RXRA: variants seen among roughly 807,000 people sequenced by gnomAD.
The protein encoded by RXRA is retinoic acid receptor RXR-alpha.
A neutral mutation model predicts 44.5 loss-of-function variants in RXRA; 5 were observed. That is an observed-to-expected ratio of 0.11 (90% CI 0.06 to 0.24). The LOEUF (loss-of-function observed/expected upper bound fraction) is 0.24, where lower values mean the gene tolerates loss of function less well. RXRA is among the 10% of genes least tolerant of loss of function. The pLI is 1.00. For synonymous variants in RXRA, 291 were observed against 271.4 expected, an observed-to-expected ratio of 1.07 and a Z score of -0.71; for missense variants, 412 against 646.5, an observed-to-expected ratio of 0.64 and a Z score of 3.93.
intron 5 of RXRA, 81 bp from the exon 6 acceptor site, chr9:134,421,595 G>T: frequency 1.4e-6 from 2 of 1,447,194 alleles, no homozygotes; most frequent in South Asian, 2.7e-5. Context: ...CCCAGCGTGT[G>T]GCAGGGCCTG....
At chr9:134,401,601 G>T in intron 1 of RXRA, 31 bp from the exon 2 acceptor site, 2 of 1,611,798 alleles carry the variant, frequency 1.2e-6, no homozygotes, top group South Asian at 2.2e-5. Context: ...CACCTGCACT[G>T]ACCACTCTCC....
rs1026026986 is a variant in RXRA at position 134,434,221 on chromosome 9, C to G, written c.1241+14C>G. On this transcript the variant is annotated intron_variant, in intron 9 of 9. Transcript: ENST00000481739. ...GCAGCCGGGAAGGTGGGTCCCGCCC[C>G]GTCCCACACACACCCCAGACCCAGG... 5 of 1,583,880 alleles carry G rather than the reference C, an allele frequency of 3.2e-6. No homozygotes were observed. The highest frequency in any genetic ancestry group is 3.5e-6 in the Non-Finnish European group (4 of 1,153,174).
At chr9:134,329,232 A>G (rs1834963973) in intron 1 of RXRA, among the ~76,000 whole-genome samples, 1 of 152,198 alleles carries the variant, frequency 6.6e-6, no homozygotes, top group African/African-American at 2.4e-5. Context: ...TTCTGGTAAC[A>G]TCAGAGCCCT....
At position 134,436,690 on chromosome 9, in the gene RXRA, C is replaced by A; in HGVS notation, c.*76C>A. The A allele has an allele frequency of 6.4e-7, 1 of 1,558,552 alleles. No homozygotes were observed. ...CGCCAGCTGTTCTTCTCAGCCTGAG[C>A]CCTGTCCCTGCCCTTCTCTGCCTGG... On this transcript the variant is annotated 3_prime_UTR_variant, in exon 10 of 10. Transcript: ENST00000481739.
At chr9:134,355,982 C>T (rs537755510) in intron 1 of RXRA, among the ~76,000 whole-genome samples, 16 of 152,122 alleles carry the variant, frequency 1.1e-4, no homozygotes, top group South Asian at 2.1e-4. Context: ...TCCCTGCCCT[C>T]GGGATGGCCG....
At chr9:134,360,580 G>A (rs1285747097) in intron 1 of RXRA, among the ~76,000 whole-genome samples, 2 of 152,262 alleles carry the variant, frequency 1.3e-5, no homozygotes, top group South Asian at 2.1e-4. Context: ...GGTCGCTCGC[G>A]GTTACCTGCC....
intron 1 of RXRA, among the ~76,000 whole-genome samples, chr9:134,328,697 G>C (rs7855881): frequency 1.3e-5 from 2 of 152,284 alleles, no homozygotes; most frequent in South Asian, 2.1e-4. Flanking sequence ...ATCCCTCCTC[G>C]GGGTGAGTGG....
intron 1 of RXRA, among the ~76,000 whole-genome samples, chr9:134,384,314 C>T (rs1488401154): frequency 1.3e-5 from 2 of 152,264 alleles, no homozygotes; most frequent in Non-Finnish European, 2.9e-5. Flanking sequence ...CCCTCATCAT[C>T]TTTGAACCCC....
intron 6 of RXRA, chr9:134,423,927 T>C (rs1391931204): frequency 1.0e-6 from 1 of 984,772 alleles, no homozygotes; most frequent in Non-Finnish European, 1.2e-6. Context: ...CGCACGCAGC[T>C]CTTTTCCTGG....
chr9:134,374,443 G>T (rs573887945), intron 1 of RXRA, among the ~76,000 whole-genome samples: 1 of 152,322 alleles, frequency 6.6e-6, no homozygotes, highest in Admixed American at 6.5e-5. Flanking sequence ...CCACCCTCCT[G>T]GTGTGGGCTG....
In RXRA at chr9:134,433,835, A is replaced by G. The variant is rs1474429188; in HGVS notation, c.1136-267A>G. Among the ~76,000 whole-genome samples, 2 of 152,202 alleles carry G rather than the reference A, an allele frequency of 1.3e-5. No individual in the cohort carries two copies. Among genetic ancestry groups the G allele is most frequent in the African/African-American group, 4.8e-5 (2 of 41,454 alleles). On this transcript the variant is annotated intron_variant, in intron 8 of 9. Transcript: ENST00000481739. The surrounding 1 kb of genome is among the most constrained non-coding windows in gnomAD (Gnocchi z 4.2). ...GGGGAAACCGAGTCTCTGGAGGTCA[A>G]ATAGTTGACCCAAGGTCACGTGGCT...
chr9:134,408,392 C>A, intron 3 of RXRA, 93 bp downstream of exon 3: 1 of 1,360,960 alleles, frequency 7.3e-7, no homozygotes, highest in Non-Finnish European at 9.9e-7. Context: ...TCCTGTGGGC[C>A]AAGCAGGACC....
chr9:134,437,972 C>T lies in RXRA; in HGVS notation c.*1358C>T, dbSNP rs995541329. 4 of 151,766 alleles carry T rather than the reference C, an allele frequency of 2.6e-5. No homozygotes were observed. The highest frequency in any genetic ancestry group is 9.8e-5 in the African/African-American group (4 of 40,800). The allele number at this position is 151,766 out of a possible 1,614,324, so 9.4% of individuals were successfully genotyped here. ...CCTCCCTGGCTCAGCCCAGTGCGGC[C>T]TGGCGCTCCTCCCGCAGGCTCTGCC... On this transcript the variant is annotated 3_prime_UTR_variant, in exon 10 of 10. Coordinates refer to ENST00000481739, the MANE Select transcript of RXRA (RefSeq NM_002957.6).
At chr9:134,330,027 C>T (rs1834978670) in intron 1 of RXRA, among the ~76,000 whole-genome samples, 1 of 152,188 alleles carries the variant, frequency 6.6e-6, no homozygotes, top group South Asian at 2.1e-4. Flanking sequence ...ACAGGTCCAC[C>T]CAGTGCCAGT....
chr9:134,369,761 C>T (rs1830468084), intron 1 of RXRA, among the ~76,000 whole-genome samples: 1 of 152,074 alleles, frequency 6.6e-6, no homozygotes, highest in Admixed American at 6.5e-5. Flanking sequence ...CTTGGTGCAC[C>T]CTCCCACAGC....
At chr9:134,395,141 T>C (rs1483856292) in intron 1 of RXRA, among the ~76,000 whole-genome samples, 1 of 152,186 alleles carries the variant, frequency 6.6e-6, no homozygotes, top group East Asian at 1.9e-4. Context: ...CCCCTCTCAG[T>C]CCTGGCAGGA....
intron 1 of RXRA, among the ~76,000 whole-genome samples, chr9:134,339,573 T>C (rs1342959507): frequency 3.8e-5 from 5 of 131,140 alleles, no homozygotes; most frequent in African/African-American, 1.5e-4. Flanking sequence ...CCATGGCCTT[T>C]TGTGAGCCTG....
chr9:134,335,327 A>G (rs1487934020), intron 1 of RXRA, among the ~76,000 whole-genome samples: 2 of 152,156 alleles, frequency 1.3e-5, no homozygotes, highest in East Asian at 3.9e-4. Flanking sequence ...GAGGTCAGGG[A>G]AGCTTCACAG....
intron 1 of RXRA, among the ~76,000 whole-genome samples, chr9:134,368,938 ATG>A (rs1830451293): frequency 2.3e-5 from 1 of 43,432 alleles, no homozygotes; most frequent in Non-Finnish European, 4.3e-5. Context: ...TGCGGGGGTT[ATG>A]TATGTGTGTG....
Sources: gnomAD v4.1 joint callset for allele counts (sites outside exome capture counted in the v4.1 genomes callset) on GRCh38, gnomAD v4.1.1 for gene constraint, Gnocchi (gnomAD v3.1) non-coding constraint, MANE v1.5 for transcripts, NCBI Gene and HGNC (gene_info 2026-07-23, HGNC 2026-07-21) for gene names.